The following GALNTL6 variants were observed in gnomAD, a reference collection of about 807,000 sequenced individuals.
The protein encoded by GALNTL6 is polypeptide N-acetylgalactosaminyltransferase like 6.
Under a neutral mutation model 73.7 loss-of-function variants are expected in GALNTL6, and 46 were observed. The ratio of observed to expected loss-of-function variants is 0.62; its 90% CI spans 0.49 to 0.80. The LOEUF is 0.80. Among genes scored for constraint, GALNTL6 ranks in the 30% least tolerant of loss-of-function variants. The pLI is 0.00. For synonymous variants in GALNTL6, 259 were observed against 263.7 expected, an observed-to-expected ratio of 0.98 and a Z score of 0.17; for missense variants, 604 against 755.0, an observed-to-expected ratio of 0.80 and a Z score of 2.34.
chr4:172,772,271 T>C lies in GALNTL6; in HGVS notation c.554-37090T>C, dbSNP rs78314167. On this transcript the variant is annotated intron_variant, in intron 5 of 12. Transcript: ENST00000506823. Reference sequence around the variant, plus strand: ...ACCATATCACCATTTATGCAGAAACTTAATTATTTGTAATGTATTAACAGA... The same window carrying C: ...ACCATATCACCATTTATGCAGAAACCTAATTATTTGTAATGTATTAACAGA... 8.7e-3 allele frequency among the ~76,000 whole-genome samples: 1,330 copies of C among 152,276 alleles called. 23 individuals carry two copies. Among genetic ancestry groups the C allele is most frequent in the African/African-American group, 0.03 (1,266 of 41,550 alleles).
At chr4:172,597,769 C>G (rs1263844539) in intron 5 of GALNTL6, among the ~76,000 whole-genome samples, 1 of 152,062 alleles carries the variant, frequency 6.6e-6, no homozygotes, top group Non-Finnish European at 1.5e-5. Flanking sequence ...AAAATACTGG[C>G]AACATCAATA....
At chr4:171,891,829 A>G (rs916323666) in intron 2 of GALNTL6, among the ~76,000 whole-genome samples, 1 of 152,230 alleles carries the variant, frequency 6.6e-6, no homozygotes, top group East Asian at 1.9e-4. Context: ...TGCCCACTAC[A>G]ACATTTGAAA....
At chr4:172,709,648 A>G (rs1437828) in intron 5 of GALNTL6, among the ~76,000 whole-genome samples, 123,725 of 151,998 alleles carry the variant, frequency 0.81, 50,957 homozygotes, top group Middle Eastern at 0.93. Flanking sequence ...CTACCTTCCC[A>G]CAGTGTGGGG....
At chr4:173,037,212 C>T (rs1196159359) in intron 12 of GALNTL6, among the ~76,000 whole-genome samples, 2 of 152,218 alleles carry the variant, frequency 1.3e-5, no homozygotes, top group African/African-American at 4.8e-5. Context: ...ATCTACTGAT[C>T]ACTGTGGATG....
intron 2 of GALNTL6, among the ~76,000 whole-genome samples, chr4:172,198,700 T>C (rs1735857887): frequency 6.6e-6 from 1 of 152,192 alleles, no homozygotes; most frequent in Admixed American, 6.5e-5. Flanking sequence ...TCAATAATTA[T>C]GATAGGACTG....
chr4:172,747,067 A>ATAAG (rs1316027274), intron 5 of GALNTL6, among the ~76,000 whole-genome samples: 1 of 152,140 alleles, frequency 6.6e-6, no homozygotes, highest in Non-Finnish European at 1.5e-5. Flanking sequence ...AAATAAGAAA[A>ATAAG]AAGTCCACTT....
intron 5 of GALNTL6, among the ~76,000 whole-genome samples, chr4:172,566,362 A>C (rs1736554186): frequency 6.6e-6 from 1 of 152,216 alleles, no homozygotes; most frequent in Non-Finnish European, 1.5e-5. Flanking sequence ...CATTGGAATG[A>C]AACTAGAAAC....
chr4:172,883,832 C>T (rs1745581377), intron 8 of GALNTL6, among the ~76,000 whole-genome samples: 1 of 151,938 alleles, frequency 6.6e-6, no homozygotes, highest in Non-Finnish European at 1.5e-5. Flanking sequence ...ACCAATCTAC[C>T]TTCTACCTCC....
At chr4:172,236,932 C>T (rs192958982) in intron 3 of GALNTL6, among the ~76,000 whole-genome samples, 2 of 152,202 alleles carry the variant, frequency 1.3e-5, no homozygotes, top group East Asian at 1.9e-4. Flanking sequence ...GTGTACTCAA[C>T]GTTTAGTTCT....
intron 2 of GALNTL6, among the ~76,000 whole-genome samples, chr4:171,974,755 G>GAT (rs5864103): frequency 0.44 from 67,324 of 151,810 alleles, 15,232 homozygotes; most frequent in East Asian, 0.6. Context: ...GTGAGTTTGA[G>GAT]ATGTTACTTT....
At chr4:172,741,323 G>A (rs1332561888) in intron 5 of GALNTL6, among the ~76,000 whole-genome samples, 47 of 152,038 alleles carry the variant, frequency 3.1e-4, no homozygotes, top group Admixed American at 3.1e-3. Context: ...AATTGCTGTT[G>A]GGGCATTGTC....
At chr4:172,050,247 A>G (rs1457785164) in intron 2 of GALNTL6, among the ~76,000 whole-genome samples, 1 of 152,148 alleles carries the variant, frequency 6.6e-6, no homozygotes, top group African/African-American at 2.4e-5. Context: ...GCACCAAGAA[A>G]GGAGAATCAG....
chr4:171,827,075 G>T (rs1211919222), intron 2 of GALNTL6, among the ~76,000 whole-genome samples: 1 of 152,140 alleles, frequency 6.6e-6, no homozygotes, highest in Non-Finnish European at 1.5e-5. Context: ...GACTCCAAAT[G>T]AATGGGATCA....
chr4:171,945,010 G>A (rs1053091294), intron 2 of GALNTL6, among the ~76,000 whole-genome samples: 1 of 152,042 alleles, frequency 6.6e-6, no homozygotes, highest in Non-Finnish European at 1.5e-5. Context: ...GCAGGACAAT[G>A]TTTGCTGAAT....
intron 10 of GALNTL6, among the ~76,000 whole-genome samples, chr4:173,006,071 T>C (rs771313198): frequency 7.9e-5 from 12 of 152,134 alleles, no homozygotes; most frequent in Non-Finnish European, 1.5e-4. Context: ...GGTATGTTTT[T>C]TTCTCCCCCA....
intron 12 of GALNTL6, among the ~76,000 whole-genome samples, chr4:173,025,023 A>G (rs1753176129): frequency 1.3e-5 from 2 of 152,156 alleles, no homozygotes; most frequent in South Asian, 4.1e-4. Flanking sequence ...TTGGAGAGAG[A>G]AGGTGGCCAG....
intron 3 of GALNTL6, among the ~76,000 whole-genome samples, chr4:172,239,554 G>A (rs1471347285): frequency 1.3e-5 from 2 of 151,794 alleles, no homozygotes; most frequent in Non-Finnish European, 2.9e-5. Flanking sequence ...TTTCATTGAT[G>A]TTTTGTATTT....
intron 5 of GALNTL6, among the ~76,000 whole-genome samples, chr4:172,739,482 T>A (rs924997343): frequency 6.6e-5 from 10 of 152,144 alleles, no homozygotes; most frequent in African/African-American, 2.4e-4. Context: ...GGTAGGTTAG[T>A]GGGTGGGTTT....
intron 5 of GALNTL6, among the ~76,000 whole-genome samples, chr4:172,613,930 GC>G: frequency 6.6e-6 from 1 of 152,148 alleles, no homozygotes; most frequent in East Asian, 1.9e-4. Context: ...TTTTGTTCTA[GC>G]TACAAAGAAA....
Sources: allele counts gnomAD v4.1 joint callset (sites outside exome capture counted in the v4.1 genomes callset), GRCh38; gene constraint gnomAD v4.1.1; transcripts MANE v1.5; gene names NCBI Gene and HGNC (gene_info 2026-07-23, HGNC 2026-07-21).